Variants in PHACTR3 observed in about 807,000 individuals in gnomAD.
PHACTR3 encodes phosphatase and actin regulator 3.
PHACTR3 carries 16 observed loss-of-function variants against 66.8 expected under a neutral mutation model. That is an observed-to-expected ratio of 0.24 (90% CI 0.16 to 0.36). The LOEUF (loss-of-function observed/expected upper bound fraction) is 0.36, where lower values mean the gene tolerates loss of function less well. Ranked by LOEUF, PHACTR3 falls within the 10% of genes least tolerant of loss-of-function variation. PHACTR3 has a pLI of 1.00. For synonymous variants in PHACTR3, 323 were observed against 292.1 expected (o/e 1.11, Z -1.08); for missense variants, 647 against 719.9 (o/e 0.90, Z 1.16).
intron 1 of PHACTR3, among the ~76,000 whole-genome samples, chr20:59,696,803 G>A (rs898514966): frequency 1.6e-4 from 24 of 152,154 alleles, no homozygotes; most frequent in African/African-American, 5.6e-4. Flanking sequence ...CCTCGGCTCT[G>A]CTTTTGGGAG....
intron 1 of PHACTR3, among the ~76,000 whole-genome samples, chr20:59,692,419 C>T (rs950499706): frequency 6.6e-6 from 1 of 152,182 alleles, no homozygotes; most frequent in East Asian, 1.9e-4. Flanking sequence ...TTTTGACTGT[C>T]GCTTGCCAGG....
chr20:59,813,167 T>G (rs1001190863), intron 8 of PHACTR3, among the ~76,000 whole-genome samples: 1 of 152,114 alleles, frequency 6.6e-6, no homozygotes, highest in African/African-American at 2.4e-5. Context: ...CTCGGTATGG[T>G]GTGGGTGCTG....
In PHACTR3 at chr20:59,744,082, G is replaced by A. The variant is rs144270910; in HGVS notation, c.280+814G>A. 4.7e-3 allele frequency among the ~76,000 whole-genome samples: 716 copies of A among 152,318 alleles called. 8 individuals carry two copies. Among genetic ancestry groups the A allele is most frequent in the African/African-American group, 0.015 (641 of 41,566 alleles). On this transcript the variant is annotated intron_variant, in intron 2 of 12. Transcript: ENST00000371015. ...GGCAGTGATGACGGGACAAGCAGCC[G>A]TAAGGCACATAACGGCAGAACACGG...
intron 2 of PHACTR3, among the ~76,000 whole-genome samples, chr20:59,743,617 C>CT (rs1206638857): frequency 2.0e-5 from 3 of 152,230 alleles, no homozygotes; most frequent in African/African-American, 7.2e-5. Context: ...CAAGGTCTCA[C>CT]TTGCTGGCTT....
intron 7 of PHACTR3, among the ~76,000 whole-genome samples, chr20:59,796,530 G>A (rs2146969622): frequency 6.6e-6 from 1 of 152,226 alleles, no homozygotes; most frequent in African/African-American, 2.4e-5. Flanking sequence ...AGCATTTCTT[G>A]TAAAGGCAAT....
intron 8 of PHACTR3, among the ~76,000 whole-genome samples, chr20:59,809,198 C>G (rs377082798): frequency 6.6e-5 from 10 of 152,210 alleles, no homozygotes; most frequent in Admixed American, 5.2e-4. Flanking sequence ...GGGCCGTGAA[C>G]GTAAGCAGGT....
chr20:59,836,516 A>G lies in PHACTR3; in HGVS notation c.1340A>G (p.Gln447Arg). Residue 447 changes from glutamine (Q) to arginine (R), a missense_variant, in exon 9 of 13, where the codon CAA (glutamine) becomes CGA (arginine). Gln to Arg is a conservative substitution (Grantham distance 43). Coordinates refer to ENST00000371015, the MANE Select transcript of PHACTR3 (RefSeq NM_080672.5). ...GTGTTTTTCCGCAGACGGCTGAGCCAAAGACCTGCCGTGGAAGAGCTGGAG... is the reference window on the plus strand; with the variant it reads ...GTGTTTTTCCGCAGACGGCTGAGCCGAAGACCTGCCGTGGAAGAGCTGGAG... ...IEMKLSKRLS[Q>R]RPAVEELERR... 1 of 1,609,708 alleles carries G rather than the reference A, an allele frequency of 6.2e-7. No individual in the cohort carries two copies. Among genetic ancestry groups the G allele is most frequent in the South Asian group, 1.1e-5 (1 of 90,320 alleles).
intron 1 of PHACTR3, among the ~76,000 whole-genome samples, chr20:59,737,299 G>A (rs199937043): frequency 2.0e-5 from 3 of 152,060 alleles, no homozygotes; most frequent in Non-Finnish European, 2.9e-5. Flanking sequence ...GTCCTTCCTC[G>A]CGTCTGTGGG....
chr20:59,596,704 C>T (rs1481817031), intron 1 of PHACTR3, among the ~76,000 whole-genome samples: 2 of 152,234 alleles, frequency 1.3e-5, no homozygotes, highest in East Asian at 3.8e-4. Context: ...GCTTGTGTGT[C>T]TGCTCAGCAA....
intron 1 of PHACTR3, among the ~76,000 whole-genome samples, chr20:59,596,430 C>T (rs1173693428): frequency 1.3e-5 from 2 of 152,164 alleles, no homozygotes; most frequent in East Asian, 3.9e-4. Flanking sequence ...GCATGAGCCA[C>T]CATGCCTGGC....
At chr20:59,755,845 G>C (rs1405785967) in intron 4 of PHACTR3, among the ~76,000 whole-genome samples, 1 of 152,176 alleles carries the variant, frequency 6.6e-6, no homozygotes, top group South Asian at 2.1e-4. Flanking sequence ...GGAGCTGGTC[G>C]GTGCTGATGC....
chr20:59,786,459 C>T (rs2040918285), intron 7 of PHACTR3, among the ~76,000 whole-genome samples: 1 of 152,232 alleles, frequency 6.6e-6, no homozygotes, highest in Non-Finnish European at 1.5e-5. Flanking sequence ...TTAAGATGAG[C>T]AGGTCCATCC....
intron 8 of PHACTR3, among the ~76,000 whole-genome samples, chr20:59,815,091 C>G (rs1356924924): frequency 6.6e-6 from 1 of 152,082 alleles, no homozygotes; most frequent in East Asian, 1.9e-4. Context: ...TTCAGGGAAC[C>G]CTCGACTCGA....
intron 1 of PHACTR3, among the ~76,000 whole-genome samples, chr20:59,742,742 A>G (rs1253670534): frequency 6.6e-6 from 1 of 152,204 alleles, no homozygotes; most frequent in Non-Finnish European, 1.5e-5. Flanking sequence ...TTTATGAGGC[A>G]GAGAAGCGGC....
At position 59,806,268 on chromosome 20, in the gene PHACTR3, T is replaced by A. The variant is rs542421838; in HGVS notation, c.1328+74T>A. Reference sequence around the variant, plus strand: ...GGCGGAGCCCCTCTGAGATCCCACATCCTGGGTGTGCCAGGCCGGGACGCA... The same window carrying A: ...GGCGGAGCCCCTCTGAGATCCCACAACCTGGGTGTGCCAGGCCGGGACGCA... On this transcript the variant is annotated intron_variant, in intron 8 of 12. Transcript: ENST00000371015. 8.4e-4 allele frequency: 1,301 copies of A among 1,551,840 alleles called. 1 individual carries two copies. The highest frequency in any genetic ancestry group is 2.0e-3 in the South Asian group (163 of 80,858).
chr20:59,824,750 G>A (rs1378591766), intron 8 of PHACTR3, among the ~76,000 whole-genome samples: 4 of 152,196 alleles, frequency 2.6e-5, no homozygotes, highest in African/African-American at 7.2e-5. Context: ...GACCACCAGG[G>A]AATGCCCCTG....
chr20:59,624,725 C>G (rs1568941652), intron 1 of PHACTR3, among the ~76,000 whole-genome samples: 2 of 152,080 alleles, frequency 1.3e-5, no homozygotes, highest in African/African-American at 4.8e-5. Flanking sequence ...CTGGAGCCCC[C>G]TAACTCAGTC....
intron 8 of PHACTR3, among the ~76,000 whole-genome samples, chr20:59,832,255 T>C (rs1410129075): frequency 7.4e-6 from 1 of 134,778 alleles, no homozygotes; most frequent in African/African-American, 3.3e-5. Context: ...GCAAAGTAAT[T>C]GTCTGTCCTT....
intron 1 of PHACTR3, among the ~76,000 whole-genome samples, chr20:59,610,703 G>A (rs1386325287): frequency 2.0e-5 from 3 of 152,264 alleles, no homozygotes; most frequent in Non-Finnish European, 4.4e-5. Context: ...AGCTTTGTTG[G>A]ACGGTGCTGC....
Sources: allele counts gnomAD v4.1 joint callset (sites outside exome capture counted in the v4.1 genomes callset), GRCh38; gene constraint gnomAD v4.1.1; transcripts MANE v1.5; gene names NCBI Gene and HGNC (gene_info 2026-07-23, HGNC 2026-07-21).